The following INTS4 variants were observed in gnomAD, a reference collection of about 807,000 sequenced individuals.
INTS4 encodes MSTP093.
A neutral mutation model predicts 119.5 loss-of-function variants in INTS4; 70 were observed. The observed-to-expected ratio is 0.59, with a 90% CI of 0.48 to 0.71. INTS4 has a LOEUF of 0.71. INTS4 is among the 30% of genes least tolerant of loss of function. The probability of loss-of-function intolerance (pLI) is 0.00; values close to 1 mark genes in which losing one functional copy is unlikely to be tolerated. For missense variants in INTS4, 867 were observed against 1,173.2 expected (o/e 0.74, Z 3.81); for synonymous variants, 316 against 419.6 (o/e 0.75, Z 3.02).
At chr11:77,991,543 G>A (rs529286453) in intron 1 of INTS4, among the ~76,000 whole-genome samples, 1 of 151,980 alleles carries the variant, frequency 6.6e-6, no homozygotes, top group East Asian at 1.9e-4. Context: ...TTATGTCTCT[G>A]TAAAATAGGT....
intron 15 of INTS4, chr11:77,915,408 C>T (rs888526508): frequency 4.6e-5 from 7 of 152,136 alleles, no homozygotes; most frequent in African/African-American, 1.7e-4. Context: ...CCCAGGGGCA[C>T]AAAGACTAAG....
At chr11:77,896,442 A>G (rs1321654527) in intron 18 of INTS4, among the ~76,000 whole-genome samples, 1 of 152,182 alleles carries the variant, frequency 6.6e-6, no homozygotes, top group Non-Finnish European at 1.5e-5. Context: ...ACCGGAGGTC[A>G]GAAGTTCAAG....
At chr11:77,923,223 C>T (rs1020551699) in intron 12 of INTS4, among the ~76,000 whole-genome samples, 28 of 147,042 alleles carry the variant, frequency 1.9e-4, no homozygotes, top group African/African-American at 6.8e-4. Flanking sequence ...GAGGCTGAGG[C>T]AGGAGAATCA....
At chr11:77,956,690 G>T (rs565237461) in intron 7 of INTS4, among the ~76,000 whole-genome samples, 1 of 147,318 alleles carries the variant, frequency 6.8e-6, no homozygotes, top group African/African-American at 2.5e-5. Context: ...CTGGGCAACA[G>T]AGCGAGACTC....
chr11:77,918,038 T>C (rs1953244271), intron 15 of INTS4: 1 of 700,278 alleles, frequency 1.4e-6, no homozygotes, highest in Non-Finnish European at 2.6e-6. Flanking sequence ...TACCTTTCTC[T>C]TCCTGTTTCC....
Position 77,878,941 on chromosome 11 carries a change from T to C in INTS4, c.*8A>G, listed in dbSNP as rs1163590892. 1 of 1,611,954 alleles carries C rather than the reference T, an allele frequency of 6.2e-7. No homozygotes were observed. On this transcript the variant is annotated 3_prime_UTR_variant, in exon 23 of 23. Transcript: ENST00000534064. ...CTCTAGGCCACGGTTGGGAAGACTG[T>C]TTTTGCCTTAGCGCCGTGCAGGTTT...
intron 4 of INTS4, among the ~76,000 whole-genome samples, 190 bp from the exon 5 acceptor site, chr11:77,961,328 T>A (rs746920867): frequency 7.3e-4 from 111 of 152,062 alleles, no homozygotes; most frequent in Non-Finnish European, 1.3e-3. Context: ...TCAAAAAAAA[T>A]GAGTCCTTAG....
chr11:77,953,110 C>T (rs672460), intron 8 of INTS4, among the ~76,000 whole-genome samples: 113,355 of 152,176 alleles, frequency 0.74, 42,747 homozygotes, highest in African/African-American at 0.85. Context: ...CTCATGAAAG[C>T]GCTTCACACA....
intron 4 of INTS4, among the ~76,000 whole-genome samples, chr11:77,965,838 A>G (rs1041759699): frequency 2.0e-5 from 3 of 152,240 alleles, no homozygotes; most frequent in Admixed American, 1.3e-4. Flanking sequence ...TTAGACATAT[A>G]CCCGGAAGTG....
chr11:77,926,709 G>A (rs1359616977), intron 11 of INTS4, among the ~76,000 whole-genome samples: 1 of 151,326 alleles, frequency 6.6e-6, no homozygotes, highest in Non-Finnish European at 1.5e-5. Flanking sequence ...CTGCTCGGGA[G>A]ACTGAGGCAG....
chr11:77,920,776 T>C (rs896761779), intron 14 of INTS4, among the ~76,000 whole-genome samples: 3 of 151,854 alleles, frequency 2.0e-5, no homozygotes, highest in Admixed American at 6.6e-5. Context: ...GGAGTGAACC[T>C]GGGAGGTGGA....
chr11:77,966,850 T>A (rs1261241328), intron 4 of INTS4, among the ~76,000 whole-genome samples: 1 of 152,214 alleles, frequency 6.6e-6, no homozygotes, highest in Non-Finnish European at 1.5e-5. Context: ...TTACACTGAA[T>A]CTGCAGATCA....
At chr11:77,914,101 C>T (rs887618593) in intron 15 of INTS4, among the ~76,000 whole-genome samples, 12 of 152,188 alleles carry the variant, frequency 7.9e-5, no homozygotes, top group South Asian at 2.1e-4. Context: ...TGTAAAACAT[C>T]GCAGGTGCCC....
intron 8 of INTS4, among the ~76,000 whole-genome samples, chr11:77,949,462 C>G (rs1029993788): frequency 1.3e-5 from 2 of 148,378 alleles, no homozygotes; most frequent in African/African-American, 5.0e-5. Context: ...TTTTTGCAAT[C>G]TATCCATCTG....
At chr11:77,956,245 C>CA (rs1007807767) in intron 7 of INTS4, among the ~76,000 whole-genome samples, 183 bp from the exon 8 acceptor site, 24 of 151,746 alleles carry the variant, frequency 1.6e-4, no homozygotes, top group Non-Finnish European at 2.8e-4. Flanking sequence ...CTCATCTCTA[C>CA]AAAAAAAATA....
At chr11:77,959,948 C>T (rs1018306903) in intron 6 of INTS4, among the ~76,000 whole-genome samples, 3 of 152,016 alleles carry the variant, frequency 2.0e-5, no homozygotes, top group African/African-American at 4.8e-5. Context: ...TATGATCCTA[C>T]GGTCTTGGTC....
At chr11:77,935,232 T>C (rs1384247945) in intron 10 of INTS4, among the ~76,000 whole-genome samples, 2 of 152,140 alleles carry the variant, frequency 1.3e-5, no homozygotes, top group Non-Finnish European at 2.9e-5. Context: ...TTCCAGACAC[T>C]GGGCATCTGG....
chr11:77,954,275 C>T (rs1338847745), intron 8 of INTS4, among the ~76,000 whole-genome samples: 3 of 151,930 alleles, frequency 2.0e-5, no homozygotes, highest in African/African-American at 7.3e-5. Flanking sequence ...AAAATGATAA[C>T]AGCATTTTAA....
intron 17 of INTS4, 146 bp downstream of exon 17, chr11:77,903,394 C>G (rs1379433070): frequency 6.2e-7 from 1 of 1,602,688 alleles, no homozygotes; most frequent in African/African-American, 1.3e-5. Context: ...AATCACTCTG[C>G]TTCAAATACA....
Sources: allele counts gnomAD v4.1 joint callset (sites outside exome capture counted in the v4.1 genomes callset), GRCh38; gene constraint gnomAD v4.1.1; transcripts MANE v1.5; gene names NCBI Gene and HGNC (gene_info 2026-07-23, HGNC 2026-07-21).